The following BCAS3 variants were observed in gnomAD, a reference collection of about 807,000 sequenced individuals.
The protein encoded by BCAS3 is BCAS4/BCAS3 fusion.
In BCAS3, 53 loss-of-function variants were observed where a neutral mutation model predicts 116.1. The ratio of observed to expected loss-of-function variants is 0.46; its 90% CI spans 0.37 to 0.57. BCAS3 has a LOEUF of 0.57. Ranked by LOEUF, BCAS3 falls within the 20% of genes least tolerant of loss-of-function variation. The pLI, the probability that BCAS3 is intolerant of heterozygous loss-of-function variation, is 0.00. For missense variants in BCAS3, 917 were observed against 1,165.4 expected, an observed-to-expected ratio of 0.79 and a Z score of 3.10; for synonymous variants, 391 against 408.2, an observed-to-expected ratio of 0.96 and a Z score of 0.51.
intron 3 of BCAS3, among the ~76,000 whole-genome samples, chr17:60,684,331 A>C (rs761289156): frequency 2.0e-5 from 3 of 152,118 alleles, no homozygotes; most frequent in Non-Finnish European, 4.4e-5. Context: ...TTCTTGTCCT[A>C]TTTAAGTGTT....
At chr17:60,718,561 A>C (rs530902014) in intron 5 of BCAS3, among the ~76,000 whole-genome samples, 1 of 152,156 alleles carries the variant, frequency 6.6e-6, no homozygotes, top group South Asian at 2.1e-4. Flanking sequence ...CAGCCTCCTG[A>C]GTAGTTGGGA....
In BCAS3 at chr17:61,132,555, T is replaced by C. The variant is rs1168303677; in HGVS notation, c.2425+47991T>C. ...ATATAGATTGTTTGTGCCGGGCTTATACAATGGGTCTCTAAACTATATTGA... is the reference window on the plus strand; with the variant it reads ...ATATAGATTGTTTGTGCCGGGCTTACACAATGGGTCTCTAAACTATATTGA... On this transcript the variant is annotated intron_variant, in intron 22 of 23. Coordinates refer to ENST00000407086, the MANE Select transcript of BCAS3 (RefSeq NM_017679.5). This position sits in a 1 kb window ranked among gnomAD's most constrained non-coding sequence, Gnocchi z 5.1. Among the ~76,000 whole-genome samples the C allele has an allele frequency of 6.6e-6, 1 of 152,208 alleles. No homozygotes were observed. The highest frequency in any genetic ancestry group is 1.5e-5 in the Non-Finnish European group (1 of 68,038).
chr17:61,096,688 T>A (rs1288060698), intron 22 of BCAS3, among the ~76,000 whole-genome samples: 3 of 152,254 alleles, frequency 2.0e-5, no homozygotes, highest in African/African-American at 7.2e-5. Flanking sequence ...TTCTTTTTAA[T>A]CTTTATCTTT....
In BCAS3 at chr17:61,097,066, G is replaced by A. The variant is rs1485007792; in HGVS notation, c.2425+12502G>A. ...TTAAGAAACTCAGTGTATGCTGAGTGAGATATTAATAAACACAAAGAAAAC... is the reference window on the plus strand; with the variant it reads ...TTAAGAAACTCAGTGTATGCTGAGTAAGATATTAATAAACACAAAGAAAAC... On this transcript the variant is annotated intron_variant, in intron 22 of 23. Coordinates refer to ENST00000407086, the MANE Select transcript of BCAS3 (RefSeq NM_017679.5). The surrounding 1 kb of genome is among the most constrained non-coding windows in gnomAD (Gnocchi z 4.0). 6.6e-6 allele frequency among the ~76,000 whole-genome samples: 1 copy of A among 152,190 alleles called. No homozygotes were observed. Among genetic ancestry groups the A allele is most frequent in the Admixed American group, 6.5e-5 (1 of 15,278 alleles).
In BCAS3 at chr17:61,388,539, C is replaced by T; in HGVS notation, c.2594-3438C>T. 7.2e-7 allele frequency: 1 copy of T among 1,393,656 alleles called. No individual in the cohort carries two copies. 86.3% of individuals were successfully genotyped at this position (1,393,656 alleles called of 1,614,324 possible). On this transcript the variant is annotated intron_variant, in intron 23 of 23. Coordinates refer to ENST00000407086, the MANE Select transcript of BCAS3 (RefSeq NM_017679.5). This position sits in a 1 kb window ranked among gnomAD's most constrained non-coding sequence, Gnocchi z 6.5. ...GCGCCTCCTGACACCTCTCCACCTG[C>T]TTGCAGAGATCAGTGTACTTCTCAA...
At chr17:60,932,613 G>A (rs1005625455) in intron 13 of BCAS3, among the ~76,000 whole-genome samples, 1 of 151,708 alleles carries the variant, frequency 6.6e-6, no homozygotes, top group South Asian at 2.1e-4. Context: ...GTGGTGGCGG[G>A]CACCTGTAGT....
intron 6 of BCAS3, among the ~76,000 whole-genome samples, chr17:60,770,455 T>C (rs1247789734): frequency 1.4e-5 from 2 of 139,290 alleles, no homozygotes; most frequent in Admixed American, 7.3e-5. Context: ...AGTCTTGCCT[T>C]GTCACCAGGC....
intron 23 of BCAS3, among the ~76,000 whole-genome samples, chr17:61,371,820 C>G (rs1268972148): frequency 6.6e-6 from 1 of 152,218 alleles, no homozygotes; most frequent in Non-Finnish European, 1.5e-5. Flanking sequence ...CCTGCTCAGC[C>G]GAGGTCTGCA....
chr17:60,729,268 C>T (rs1253530529), intron 5 of BCAS3, among the ~76,000 whole-genome samples: 1 of 147,164 alleles, frequency 6.8e-6, no homozygotes, highest in Non-Finnish European at 1.5e-5. Context: ...TGGCCTTTGC[C>T]TATAATGAAT....
intron 5 of BCAS3, among the ~76,000 whole-genome samples, chr17:60,720,630 A>G (rs1451326296): frequency 6.6e-6 from 1 of 152,262 alleles, no homozygotes; most frequent in Admixed American, 6.5e-5. Flanking sequence ...TAATTCAACA[A>G]TAAAAAATAA....
chr17:60,988,338 C>CTTTTTTTTTTTTTTTTT (rs71148317), intron 14 of BCAS3, among the ~76,000 whole-genome samples: 1,690 of 65,982 alleles, frequency 0.026, 5 homozygotes, highest in Non-Finnish European at 0.035. Context: ...TTTTCTTTTT[C>CTTTTTTTTTTTTTTTTT]TTTTTTTTTT....
At chr17:61,358,415 C>T (rs1026844079) in intron 22 of BCAS3, among the ~76,000 whole-genome samples, 31 of 151,736 alleles carry the variant, frequency 2.0e-4, no homozygotes, top group African/African-American at 7.0e-4. Flanking sequence ...TTATGCATGA[C>T]GGTTGTTGCT....
At chr17:60,908,379 CA>C (rs1256532373) in intron 11 of BCAS3, among the ~76,000 whole-genome samples, 2 of 152,070 alleles carry the variant, frequency 1.3e-5, no homozygotes, top group Non-Finnish European at 2.9e-5. Context: ...ATAATAGGCT[CA>C]GGGGCAAATG....
At chr17:60,965,940 CCTT>C (rs2061639307) in intron 14 of BCAS3, among the ~76,000 whole-genome samples, 1 of 151,994 alleles carries the variant, frequency 6.6e-6, no homozygotes, top group African/African-American at 2.4e-5. Context: ...AGTGGGGTCT[CCTT>C]CTTTTATTGT....
intron 13 of BCAS3, among the ~76,000 whole-genome samples, chr17:60,936,788 A>G (rs1599809111): frequency 6.6e-6 from 1 of 151,704 alleles, no homozygotes; most frequent in African/African-American, 2.4e-5. Context: ...GATTGCAAAA[A>G]TTTTCTCCCA....
chr17:60,800,416 TG>T (rs779713041), intron 6 of BCAS3, among the ~76,000 whole-genome samples: 1 of 152,224 alleles, frequency 6.6e-6, no homozygotes, highest in Non-Finnish European at 1.5e-5. Context: ...TATCTCTTAA[TG>T]TCTTTGCCCA....
In BCAS3 at chr17:61,088,816, G is replaced by A. The variant is rs1287030013; in HGVS notation, c.2425+4252G>A. Among the ~76,000 whole-genome samples, 1 of 152,160 alleles carries A rather than the reference G, an allele frequency of 6.6e-6. No individual in the cohort carries two copies. The highest frequency in any genetic ancestry group is 2.1e-4 in the South Asian group (1 of 4,824). ...CAAACTTATGCGTGACTCATATGCA[G>A]AGCAGACATCTTTATCAAACTCTAT... is the stretch of plus-strand genomic sequence containing the variant. On this transcript the variant is annotated intron_variant, in intron 22 of 23. Transcript: ENST00000407086. The surrounding 1 kb of genome is among the most constrained non-coding windows in gnomAD (Gnocchi z 4.2).
In BCAS3 at chr17:61,377,664, G is replaced by A. The variant is rs140323452; in HGVS notation, c.2593+9170G>A. ...ATCGTTGGCCTCCTGTAACTCTGATGTCCTGGCTGCTGCAGGGAGCACTCG... is the reference window on the plus strand; with the variant it reads ...ATCGTTGGCCTCCTGTAACTCTGATATCCTGGCTGCTGCAGGGAGCACTCG... On this transcript the variant is annotated intron_variant, in intron 23 of 23. Transcript: ENST00000407086. The surrounding 1 kb of genome is among the most constrained non-coding windows in gnomAD (Gnocchi z 4.6). Among the ~76,000 whole-genome samples the A allele has an allele frequency of 4.9e-4, 75 of 152,244 alleles. No individual in the cohort carries two copies. The highest frequency in any genetic ancestry group is 1.7e-3 in the African/African-American group (72 of 41,542).
intron 13 of BCAS3, among the ~76,000 whole-genome samples, chr17:60,936,010 C>A (rs1370886306): frequency 1.4e-5 from 2 of 147,368 alleles, no homozygotes; most frequent in African/African-American, 2.5e-5. Flanking sequence ...CTCCCCCCTT[C>A]CCCCCACCCC....
Sources: gnomAD v4.1 joint callset for allele counts (sites outside exome capture counted in the v4.1 genomes callset) on GRCh38, gnomAD v4.1.1 for gene constraint, Gnocchi (gnomAD v3.1) non-coding constraint, MANE v1.5 for transcripts, NCBI Gene and HGNC (gene_info 2026-07-23, HGNC 2026-07-21) for gene names.